The following VPS13D variants were observed in gnomAD, a reference collection of about 807,000 sequenced individuals.
VPS13D encodes intermembrane lipid transfer protein VPS13D.
VPS13D carries 187 observed loss-of-function variants against 461.9 expected under a neutral mutation model. That is an observed-to-expected ratio of 0.40 (90% CI 0.36 to 0.46). VPS13D has a LOEUF of 0.46. VPS13D is among the 20% of genes least tolerant of loss of function. VPS13D has a pLI of 0.60. For synonymous variants in VPS13D, 1,951 were observed against 1,986.3 expected (o/e 0.98, Z 0.47); for missense variants, 4,711 against 5,364.9 (o/e 0.88, Z 3.81).
At chr1:12,405,914 G>T (rs775116807) in intron 63 of VPS13D, among the ~76,000 whole-genome samples, 1 of 152,118 alleles carries the variant, frequency 6.6e-6, no homozygotes, top group Non-Finnish European at 1.5e-5. Flanking sequence ...AAACTCCCCA[G>T]ACTGAGAAAA....
chr1:12,235,567 C>T (rs1640121194), intron 2 of VPS13D, among the ~76,000 whole-genome samples: 1 of 152,064 alleles, frequency 6.6e-6, no homozygotes, highest in African/African-American at 2.4e-5. Flanking sequence ...AAGAGTGAAA[C>T]TCCATCGCAA....
chr1:12,484,717 C>G (rs1213109799), intron 67 of VPS13D, among the ~76,000 whole-genome samples: 2 of 152,152 alleles, frequency 1.3e-5, no homozygotes, highest in African/African-American at 4.8e-5. Context: ...TTTCTTCTGA[C>G]CTAAGATTGG....
intron 65 of VPS13D, among the ~76,000 whole-genome samples, chr1:12,442,048 T>C (rs1164869458): frequency 2.6e-5 from 4 of 152,114 alleles, no homozygotes; most frequent in African/African-American, 9.7e-5. Context: ...AAATAATTGA[T>C]ATAATTTAGA....
At chr1:12,476,007 A>G (rs1051513200) in intron 67 of VPS13D, among the ~76,000 whole-genome samples, 4 of 152,230 alleles carry the variant, frequency 2.6e-5, no homozygotes, top group Non-Finnish European at 4.4e-5. Flanking sequence ...CCAAACCCAT[A>G]TTAGATGAGT....
chr1:12,270,947 C>G, intron 16 of VPS13D, 47 bp from the exon 17 acceptor site: 3 of 1,603,364 alleles, frequency 1.9e-6, no homozygotes, highest in Non-Finnish European at 2.6e-6. Context: ...TTTGTTCACC[C>G]AGCCGTGTGA....
At position 12,378,456 on chromosome 1, in the gene VPS13D, G is replaced by T. The variant is rs773045673; in HGVS notation, c.10946G>T (p.Arg3649Met). 1 of 1,610,710 alleles carries T rather than the reference G, an allele frequency of 6.2e-7. No homozygotes were observed. The highest frequency in any genetic ancestry group is 2.2e-5 in the East Asian group (1 of 44,540). Residue 3649 changes from arginine to methionine, a missense_variant, in exon 56 of 70, where the codon AGG becomes ATG. This residue lies in a region of VPS13D where 4,411 missense variants were observed against 4,937.8 expected (regional missense o/e 0.89). Coordinates refer to ENST00000620676, the MANE Select transcript of VPS13D (RefSeq NM_015378.4). ...KEPGKRSQLW[R>M]MTGTGMLAHE... ...CCAGGAAAGCGTTCTCAGCTGTGGA[G>T]GATGACAGGAACAGGAATGCTGGCC...
chr1:12,508,850 C>CCCCATCCTGGGGACAGGTGA (rs1553131235), intron 69 of VPS13D, 43 bp from the exon 70 acceptor site: 7 of 1,601,862 alleles, frequency 4.4e-6, no homozygotes, highest in Non-Finnish European at 6.0e-6. Flanking sequence ...TCCTGGATTT[C>CCCCATCCTGGGGACAGGTGA]CCCATCCTGG....
At chr1:12,386,392 A>G in intron 60 of VPS13D, 58 bp downstream of exon 60, 2 of 1,508,086 alleles carry the variant, frequency 1.3e-6, no homozygotes, top group Non-Finnish European at 1.8e-6. Context: ...TCACCCAACC[A>G]GATCTAATGT....
At chr1:12,312,621 A>G (rs188767018) in intron 29 of VPS13D, among the ~76,000 whole-genome samples, 3 of 152,236 alleles carry the variant, frequency 2.0e-5, no homozygotes, top group African/African-American at 7.2e-5. Context: ...CTAGCTGCGC[A>G]TGGTGGTGCA....
rs182974863 is a variant in VPS13D, at chr1:12,460,403, G to T, written c.12662+7G>T. ...CCACACTCAGCGGCCCCAGGTCAGT[G>T]GTGTGGGAAGAATGGCTTTTGCAGT... On this transcript the variant is annotated splice_region_variant and intron_variant, in intron 67 of 69. Transcript: ENST00000620676. 3 of 1,559,718 alleles carry T rather than the reference G, an allele frequency of 1.9e-6. No homozygotes were observed. Among genetic ancestry groups the T allele is most frequent in the African/African-American group, 2.7e-5 (2 of 72,842 alleles).
chr1:12,318,213 C>T lies in VPS13D; in HGVS notation c.7290C>T (p.Arg2430=), dbSNP rs1283456052. 1 of 1,614,100 alleles carries T rather than the reference C, an allele frequency of 6.2e-7. No homozygotes were observed. Among genetic ancestry groups the T allele is most frequent in the Non-Finnish European group, 8.5e-7 (1 of 1,180,040 alleles). The change falls in exon 31 of 70, where the codon CGC becomes CGT. Residue 2430 remains arginine (R), a synonymous_variant. Transcript: ENST00000620676. The stretch of plus-strand genomic sequence containing the variant: ...AACAAAATCATGTTACTCCTTCTCG[C>T]CACCGTAACTCTAGCAGCGAATCTG... ...IKKQNHVTPS[R]HRNSSSESAI...
At position 12,427,985 on chromosome 1, in the gene VPS13D, T is replaced by C. The variant is rs573043160; in HGVS notation, c.12333+11158T>C. Among the ~76,000 whole-genome samples, 7 of 152,314 alleles carry C rather than the reference T, an allele frequency of 4.6e-5. No individual in the cohort carries two copies. The East Asian group carries it at 1.2e-3, about 25-fold the overall frequency. On this transcript the variant is annotated intron_variant, in intron 65 of 69. Transcript: ENST00000620676. ...ATTTTTATGAGGCATTTCAGAGTCATATATCTGAGAGTTCACAAAGAAACA... is the reference window on the plus strand; with the variant it reads ...ATTTTTATGAGGCATTTCAGAGTCACATATCTGAGAGTTCACAAAGAAACA...
chr1:12,317,075 C>T (rs2101516718), intron 30 of VPS13D, among the ~76,000 whole-genome samples: 1 of 136,736 alleles, frequency 7.3e-6, no homozygotes, highest in South Asian at 2.5e-4. Flanking sequence ...TACTTGTTCT[C>T]CTCGGGCCAA....
rs75444729 is a variant in VPS13D, at chr1:12,254,502, A to C, written c.669+676A>C. On this transcript the variant is annotated intron_variant, in intron 7 of 69. Transcript: ENST00000620676. The stretch of plus-strand genomic sequence containing the variant: ...ATATTATTGTTTGTGAAGGATTAAA[A>C]AAATCTCAATCTTTTTTTTTTTTTT... Among the ~76,000 whole-genome samples, 1,109 of 151,870 alleles carry C rather than the reference A, an allele frequency of 7.3e-3. 6 individuals carry two copies. The highest frequency in any genetic ancestry group is 0.026 in the African/African-American group (1,058 of 41,360).
chr1:12,284,703 T>G (rs2101392154), intron 21 of VPS13D, among the ~76,000 whole-genome samples: 1 of 152,334 alleles, frequency 6.6e-6, no homozygotes, highest in South Asian at 2.1e-4. Context: ...CACTTCCTGC[T>G]GGGGAGAAGT....
rs911771390 is a variant in VPS13D, at chr1:12,510,297, C to T, written c.*1273C>T. 6.6e-6 allele frequency: 1 copy of T among 152,186 alleles called. No individual in the cohort carries two copies. The allele number at this position is 152,186 out of a possible 1,614,324, so 9.4% of individuals were successfully genotyped here. On this transcript the variant is annotated 3_prime_UTR_variant, in exon 70 of 70. Coordinates refer to ENST00000620676, the MANE Select transcript of VPS13D (RefSeq NM_015378.4). Reference sequence around the variant, plus strand: ...TAGGGAGAAGGGAAAAGGGGCCTCACTTTAGAATGAATGAGTCACCTTGTG... The same window carrying T: ...TAGGGAGAAGGGAAAAGGGGCCTCATTTTAGAATGAATGAGTCACCTTGTG...
In VPS13D at chr1:12,378,572, G is replaced by T. The variant is rs1484559967; in HGVS notation, c.11062G>T (p.Ala3688Ser). 6.3e-7 allele frequency: 1 copy of T among 1,585,802 alleles called. No homozygotes were observed. The highest frequency in any genetic ancestry group is 1.8e-5 in the Admixed American group (1 of 55,902). Residue 3688 changes from alanine (A) to serine (S), a missense_variant, in exon 56 of 70, where the codon GCT becomes TCT. Ala to Ser is a moderately conservative substitution (Grantham distance 99, BLOSUM62 1). Coordinates refer to ENST00000620676, the MANE Select transcript of VPS13D (RefSeq NM_015378.4). Reference protein sequence around the residue: ...GSAILDIAGLAAVTDNRYEPL... With the variant: ...GSAILDIAGLSAVTDNRYEPL... ...TGCCATCTTAGATATTGCTGGTCTC[G>T]CTGCAGTGACTGACAACAGGTAATT...
At chr1:12,378,617 C>G in intron 56 of VPS13D, 26 bp downstream of exon 56, 1 of 1,518,350 alleles carries the variant, frequency 6.6e-7, no homozygotes, top group Non-Finnish European at 8.9e-7. Context: ...ACTTTTGATT[C>G]AAGCTCATTG....
chr1:12,361,224 T>A (rs1643941882), intron 50 of VPS13D, among the ~76,000 whole-genome samples: 1 of 152,032 alleles, frequency 6.6e-6, no homozygotes, highest in African/African-American at 2.4e-5. Context: ...TTATTGTTGT[T>A]GTTGTTGTTA....
Sources: allele counts gnomAD v4.1 joint callset (sites outside exome capture counted in the v4.1 genomes callset), GRCh38; gene constraint gnomAD v4.1.1; regional missense constraint gnomAD v4.1.1; transcripts MANE v1.5; gene names NCBI Gene and HGNC (gene_info 2026-07-23, HGNC 2026-07-21).